ITGA9: variants seen among roughly 807,000 people sequenced by gnomAD.
ITGA9 encodes integrin subunit alpha 9.
ITGA9 carries 56 observed loss-of-function variants against 127.8 expected under a neutral mutation model. That is an observed-to-expected ratio of 0.44 (90% CI 0.35 to 0.55). The LOEUF is 0.55. Among genes scored for constraint, ITGA9 ranks in the 20% least tolerant of loss-of-function variants. The pLI is 0.00. For missense variants in ITGA9, 1,196 were observed against 1,347.1 expected, an observed-to-expected ratio of 0.89 and a Z score of 1.76; for synonymous variants, 508 against 514.5, an observed-to-expected ratio of 0.99 and a Z score of 0.17.
At chr3:37,457,989 T>C (rs1371848213) in intron 1 of ITGA9, among the ~76,000 whole-genome samples, 1 of 152,244 alleles carries the variant, frequency 6.6e-6, no homozygotes, top group Non-Finnish European at 1.5e-5. Flanking sequence ...ATAACTTCTA[T>C]TGTGATTTGT....
intron 4 of ITGA9, among the ~76,000 whole-genome samples, chr3:37,486,857 G>A (rs1003903819): frequency 2.0e-5 from 3 of 152,158 alleles, no homozygotes; most frequent in African/African-American, 7.2e-5. Context: ...ACTTCCTATG[G>A]ATTCCAAAGA....
intron 15 of ITGA9, among the ~76,000 whole-genome samples, chr3:37,612,687 G>A (rs1278040137): frequency 4.6e-5 from 7 of 152,238 alleles, no homozygotes; most frequent in Non-Finnish European, 8.8e-5. Context: ...TTGGTTGACA[G>A]TAGTAAAACA....
At chr3:37,534,472 C>T (rs1699189233) in intron 14 of ITGA9, among the ~76,000 whole-genome samples, 1 of 152,218 alleles carries the variant, frequency 6.6e-6, no homozygotes, top group Admixed American at 6.5e-5. Flanking sequence ...GTTTGAGAAG[C>T]ACTGCTGTGG....
chr3:37,711,559 A>G (rs995693367), intron 18 of ITGA9, among the ~76,000 whole-genome samples: 1 of 152,078 alleles, frequency 6.6e-6, no homozygotes, highest in African/African-American at 2.4e-5. Flanking sequence ...ACGTGCCACC[A>G]CGTCCTGCTC....
intron 22 of ITGA9, 84 bp downstream of exon 22, chr3:37,744,118 T>C (rs1426338534): frequency 5.6e-5 from 52 of 925,030 alleles, no homozygotes; most frequent in Non-Finnish European, 8.8e-5. Flanking sequence ...GGCTAAGCTC[T>C]TGTCAGGAGA....
chr3:37,690,323 G>A (rs773466413), intron 18 of ITGA9, among the ~76,000 whole-genome samples: 5 of 152,180 alleles, frequency 3.3e-5, no homozygotes, highest in Non-Finnish European at 7.3e-5. Flanking sequence ...AACATTTCTG[G>A]TGGCAGGGAG....
chr3:37,665,920 G>A (rs1700581615), intron 17 of ITGA9, among the ~76,000 whole-genome samples: 1 of 152,200 alleles, frequency 6.6e-6, no homozygotes, highest in African/African-American at 2.4e-5. Context: ...GTCACACTCT[G>A]GGAAAGACAT....
intron 18 of ITGA9, among the ~76,000 whole-genome samples, chr3:37,700,836 G>A (rs1309590491): frequency 6.6e-6 from 1 of 152,194 alleles, no homozygotes; most frequent in Admixed American, 6.5e-5. Flanking sequence ...TATTACACCA[G>A]TAATTTTTAA....
intron 18 of ITGA9, among the ~76,000 whole-genome samples, chr3:37,728,825 C>G (rs1305087637): frequency 6.6e-6 from 1 of 151,450 alleles, no homozygotes; most frequent in Non-Finnish European, 1.5e-5. Context: ...GAGATGGACT[C>G]TCATGAAGGG....
At chr3:37,792,545 T>C (rs1358194379) in intron 26 of ITGA9, among the ~76,000 whole-genome samples, 5 of 152,118 alleles carry the variant, frequency 3.3e-5, no homozygotes, top group African/African-American at 1.2e-4. Flanking sequence ...GCTTGGCCTC[T>C]TCAAGGCACT....
chr3:37,529,516 A>G (rs996392517), intron 13 of ITGA9, among the ~76,000 whole-genome samples: 2 of 152,240 alleles, frequency 1.3e-5, no homozygotes, highest in Non-Finnish European at 1.5e-5. Context: ...CTGCTTCTCC[A>G]GAAGCTTGGC....
At chr3:37,627,936 G>T (rs1268031880) in intron 15 of ITGA9, among the ~76,000 whole-genome samples, 1 of 152,182 alleles carries the variant, frequency 6.6e-6, no homozygotes, top group Non-Finnish European at 1.5e-5. Context: ...AGGCACATCT[G>T]CCTCTGGGGA....
chr3:37,474,112 T>C (rs1698465909), intron 3 of ITGA9, among the ~76,000 whole-genome samples: 2 of 152,346 alleles, frequency 1.3e-5, no homozygotes, highest in East Asian at 3.9e-4. Flanking sequence ...TATTTTTAAC[T>C]AGTTATTTAT....
chr3:37,775,600 C>T (rs1363865030), intron 23 of ITGA9, among the ~76,000 whole-genome samples: 10 of 150,048 alleles, frequency 6.7e-5, no homozygotes, highest in African/African-American at 2.0e-4. Context: ...GAGCCAAGAT[C>T]GCGCCACTGC....
rs753731022 is a variant in ITGA9 at position 37,597,987 on chromosome 3, A to G, written c.1690-31200A>G. Among the ~76,000 whole-genome samples, 2 of 152,232 alleles carry G rather than the reference A, an allele frequency of 1.3e-5. No individual in the cohort carries two copies. The highest frequency in any genetic ancestry group is 2.4e-5 in the African/African-American group (1 of 41,464). ...GCAGAATTGGGCCCTTGATAAGATC[A>G]TCCTAACACAGAGGCAGATGTAGAT... On this transcript the variant is annotated intron_variant, in intron 15 of 27. Transcript: ENST00000264741. The surrounding 1 kb of genome is among the most constrained non-coding windows in gnomAD (Gnocchi z 4.6).
intron 15 of ITGA9, among the ~76,000 whole-genome samples, chr3:37,553,812 G>A (rs1032277687): frequency 7.2e-5 from 11 of 152,168 alleles, no homozygotes; most frequent in African/African-American, 1.9e-4. Flanking sequence ...ACTGCTGTCT[G>A]AGAATAAAAC....
At chr3:37,568,272 G>A (rs760645421) in intron 15 of ITGA9, among the ~76,000 whole-genome samples, 410 of 152,368 alleles carry the variant, frequency 2.7e-3, no homozygotes, top group Non-Finnish European at 4.9e-3. Flanking sequence ...GGGACACAGG[G>A]CACCAAGTCC....
intron 9 of ITGA9, among the ~76,000 whole-genome samples, chr3:37,516,887 AC>A (rs1047965379): frequency 1.5e-4 from 22 of 151,390 alleles, no homozygotes; most frequent in African/African-American, 5.1e-4. Flanking sequence ...TACACCATTA[AC>A]CCCCTCCCTC....
intron 8 of ITGA9, among the ~76,000 whole-genome samples, chr3:37,509,067 C>T (rs1009249779): frequency 2.6e-5 from 4 of 152,158 alleles, no homozygotes; most frequent in African/African-American, 9.7e-5. Context: ...CCTCAGCCCT[C>T]AACTGTCATT....
Sources: allele counts gnomAD v4.1 joint callset (sites outside exome capture counted in the v4.1 genomes callset), GRCh38; gene constraint gnomAD v4.1.1; non-coding constraint Gnocchi (gnomAD v3.1); transcripts MANE v1.5; gene names NCBI Gene and HGNC (gene_info 2026-07-23, HGNC 2026-07-21).